The following ZNF385D variants were observed in gnomAD, a reference collection of about 807,000 sequenced individuals.
ZNF385D encodes zinc finger protein 385D, also known as zinc finger protein 659.
Under a neutral mutation model 35.8 loss-of-function variants are expected in ZNF385D, and 15 were observed. The observed-to-expected ratio is 0.42, with a 90% CI of 0.28 to 0.64. The LOEUF (loss-of-function observed/expected upper bound fraction) is 0.64. ZNF385D is among the 30% of genes least tolerant of loss of function. The pLI is 0.23. For synonymous variants in ZNF385D, 212 were observed against 186.8 expected, an observed-to-expected ratio of 1.13 and a Z score of -1.10; for missense variants, 474 against 494.6, an observed-to-expected ratio of 0.96 and a Z score of 0.39.
intron 3 of ZNF385D, among the ~76,000 whole-genome samples, chr3:22,155,651 T>C (rs1208096238): frequency 1.3e-5 from 2 of 152,114 alleles, no homozygotes; most frequent in Non-Finnish European, 2.9e-5. Flanking sequence ...TAAGAACTCC[T>C]GTTAAAATAG....
intron 3 of ZNF385D, among the ~76,000 whole-genome samples, chr3:22,089,332 C>T (rs1298745274): frequency 6.6e-6 from 1 of 152,206 alleles, no homozygotes; most frequent in African/African-American, 2.4e-5. Context: ...AATTGACTCT[C>T]TAGTCCAAAT....
At chr3:21,987,983 C>A (rs112038481) in intron 3 of ZNF385D, among the ~76,000 whole-genome samples, 36,917 of 146,158 alleles carry the variant, frequency 0.25, 10,130 homozygotes, top group African/African-American at 0.64. Flanking sequence ...CTTCTGCATT[C>A]TTCACGTAGT....
chr3:22,032,014 C>T (rs6793446), intron 3 of ZNF385D, among the ~76,000 whole-genome samples: 15,025 of 152,224 alleles, frequency 0.099, 1,552 homozygotes, highest in African/African-American at 0.26. Context: ...CAAAATGCCA[C>T]CAGTCTTTCT....
At chr3:22,293,688 C>T (rs1702418844) in intron 2 of ZNF385D, among the ~76,000 whole-genome samples, 1 of 152,126 alleles carries the variant, frequency 6.6e-6, no homozygotes, top group Non-Finnish European at 1.5e-5. Flanking sequence ...CCAGCTCTTA[C>T]TTCCCCGTGT....
At chr3:21,602,358 A>G (rs2064320714) in intron 2 of ZNF385D, among the ~76,000 whole-genome samples, 1 of 152,030 alleles carries the variant, frequency 6.6e-6, no homozygotes, top group Admixed American at 6.5e-5. Flanking sequence ...ACAATCTAGC[A>G]CATATTGGCC....
At chr3:21,604,594 G>A (rs188636683) in intron 2 of ZNF385D, among the ~76,000 whole-genome samples, 1 of 152,286 alleles carries the variant, frequency 6.6e-6, no homozygotes, top group Non-Finnish European at 1.5e-5. Flanking sequence ...AAGAAGGAAA[G>A]GATGGTTCCC....
At chr3:21,522,571 C>A (rs1274743868) in intron 3 of ZNF385D, among the ~76,000 whole-genome samples, 1 of 152,104 alleles carries the variant, frequency 6.6e-6, no homozygotes. Context: ...AACTCCTGAC[C>A]TTGTGATCTG....
chr3:21,600,022 C>A (rs58718215), intron 2 of ZNF385D, among the ~76,000 whole-genome samples: 1,713 of 152,296 alleles, frequency 0.011, 28 homozygotes, highest in African/African-American at 0.039. Flanking sequence ...ACCAAGATGG[C>A]CACGAGAATG....
At chr3:21,501,290 TC>T (rs1706342342) in intron 4 of ZNF385D, among the ~76,000 whole-genome samples, 1 of 152,136 alleles carries the variant, frequency 6.6e-6, no homozygotes, top group African/African-American at 2.4e-5. Flanking sequence ...CTCCTTAAAA[TC>T]ACTACATGTG....
intron 2 of ZNF385D, among the ~76,000 whole-genome samples, chr3:22,308,513 A>C (rs1703358894): frequency 6.6e-6 from 1 of 152,070 alleles, no homozygotes; most frequent in African/African-American, 2.4e-5. Context: ...AGTGATTCCC[A>C]GGGAATGAAA....
At chr3:21,832,050 T>A (rs1037507329) in intron 3 of ZNF385D, among the ~76,000 whole-genome samples, 61 of 148,154 alleles carry the variant, frequency 4.1e-4, no homozygotes, top group African/African-American at 1.5e-3. Flanking sequence ...AAAAATTGAC[T>A]CAATAAATTT....
chr3:21,842,441 T>A (rs949833901), intron 3 of ZNF385D, among the ~76,000 whole-genome samples: 1 of 151,990 alleles, frequency 6.6e-6, no homozygotes, highest in South Asian at 2.1e-4. Context: ...CCGTTATGAA[T>A]TGAATTTGAC....
intron 3 of ZNF385D, among the ~76,000 whole-genome samples, chr3:22,036,639 C>A (rs529557985): frequency 1.3e-5 from 2 of 149,316 alleles, no homozygotes; most frequent in Non-Finnish European, 3.0e-5. Context: ...CAAAAACAAG[C>A]AAAGAGCACC....
intron 2 of ZNF385D, among the ~76,000 whole-genome samples, chr3:22,178,283 G>A (rs1694972461): frequency 6.6e-6 from 1 of 152,170 alleles, no homozygotes. Context: ...CATTCTAACT[G>A]GTGTGAGATG....
intron 2 of ZNF385D, among the ~76,000 whole-genome samples, chr3:22,346,713 T>A (rs937760948): frequency 6.6e-6 from 1 of 152,274 alleles, no homozygotes; most frequent in African/African-American, 2.4e-5. Flanking sequence ...ATATTCTTTT[T>A]AAAAAAATTC....
intron 3 of ZNF385D, among the ~76,000 whole-genome samples, chr3:22,044,608 T>C (rs1576217968): frequency 6.6e-6 from 1 of 152,048 alleles, no homozygotes; most frequent in Non-Finnish European, 1.5e-5. Context: ...AAGGTGGTGA[T>C]GAATTTTGGA....
chr3:21,425,558 G>A lies in ZNF385D; in HGVS notation c.786C>T (p.Leu262=), dbSNP rs1377966088. The stretch of plus-strand genomic sequence containing the variant: ...TTTCACAGTGAAATGTTTTATTTTG[G>A]AGGCCTGTGTTTCCTTTATTAACAG... The part of the protein sequence containing the change: ...KGPVNKGNTG[L]QNKTFHCEIC... The change falls in exon 6 of 8, where the codon CTC becomes CTT. Residue 262 remains leucine, a synonymous_variant. Coordinates refer to ENST00000281523, the MANE Select transcript of ZNF385D (RefSeq NM_024697.3). The A allele has an allele frequency of 3.1e-6, 5 of 1,611,816 alleles. No individual in the cohort carries two copies. In the East Asian group the frequency reaches 1.1e-4, roughly 36 times the overall value.
intron 3 of ZNF385D, among the ~76,000 whole-genome samples, chr3:21,959,189 T>C (rs1702449450): frequency 6.6e-6 from 1 of 152,178 alleles, no homozygotes; most frequent in East Asian, 1.9e-4. Flanking sequence ...GAGAATCTTG[T>C]GCTTTTCCTT....
chr3:21,631,223 C>G (rs2065272207), intron 2 of ZNF385D, among the ~76,000 whole-genome samples: 1 of 152,136 alleles, frequency 6.6e-6, no homozygotes, highest in Non-Finnish European at 1.5e-5. Flanking sequence ...ACAGTAGCAT[C>G]TGGCTCCTCA....
Sources: allele counts gnomAD v4.1 joint callset (sites outside exome capture counted in the v4.1 genomes callset), GRCh38; gene constraint gnomAD v4.1.1; transcripts MANE v1.5; gene names NCBI Gene and HGNC (gene_info 2026-07-23, HGNC 2026-07-21).